The following TTC13 variants were observed in gnomAD, a reference collection of about 807,000 sequenced individuals.
The protein encoded by TTC13 is tetratricopeptide repeat protein 13.
In TTC13, 62 loss-of-function variants were observed where a neutral mutation model predicts 120.0. That is an observed-to-expected ratio of 0.52 (90% confidence interval 0.42 to 0.64). TTC13 has a LOEUF of 0.64. Ranked by LOEUF, TTC13 falls within the 30% of genes least tolerant of loss-of-function variation. The pLI, the probability that TTC13 is intolerant of heterozygous loss-of-function variation, is 0.00. For synonymous variants in TTC13, 384 were observed against 393.5 expected, an observed-to-expected ratio of 0.98 and a Z score of 0.28; for missense variants, 824 against 1,050.2, an observed-to-expected ratio of 0.78 and a Z score of 2.98.
At chr1:230,912,355 A>G (rs566926336) in intron 19 of TTC13, among the ~76,000 whole-genome samples, 3 of 152,318 alleles carry the variant, frequency 2.0e-5, no homozygotes, top group African/African-American at 7.2e-5. Flanking sequence ...GGTCATTTTC[A>G]TTATGGACCA....
rs969472229 is a variant in TTC13 at position 230,936,324 on chromosome 1, C to T, written c.901-2463G>A. On this transcript the variant is annotated intron_variant, in intron 8 of 22. Transcript: ENST00000366661. The stretch of plus-strand genomic sequence containing the variant: ...TAAGGCGTTGGGAACAAAGAAACTA[C>T]GTTTGAATGAATCAATCTCTAAGCA... 42 of 442,626 alleles carry T rather than the reference C, an allele frequency of 9.5e-5. 1 individual carries two copies. Among genetic ancestry groups the T allele is most frequent in the Admixed American group, 7.4e-4 (29 of 39,380 alleles). 27.4% of individuals were successfully genotyped at this position (442,626 alleles called of 1,614,324 possible).
chr1:230,925,502 T>C lies in TTC13; in HGVS notation c.1588+15A>G. On this transcript the variant is annotated intron_variant, in intron 13 of 22. Coordinates refer to ENST00000366661, the MANE Select transcript of TTC13 (RefSeq NM_024525.5). ...TGCCAGGAATATTTTCATTTTCAGG[T>C]AGTTTCCAGAATACCTCTGTGTATT... 1.2e-6 allele frequency: 2 copies of C among 1,613,410 alleles called. No individual in the cohort carries two copies. The highest frequency in any genetic ancestry group is 1.3e-5 in the African/African-American group (1 of 75,032).
chr1:230,936,160 C>T (rs1265907968), intron 8 of TTC13: 3 of 455,974 alleles, frequency 6.6e-6, no homozygotes, highest in Non-Finnish European at 1.3e-5. Flanking sequence ...CCACTTACAG[C>T]ATGCTTGGAC....
chr1:230,932,267 CTCAA>C (rs1293822152), intron 9 of TTC13, among the ~76,000 whole-genome samples: 2 of 151,226 alleles, frequency 1.3e-5, no homozygotes, highest in Non-Finnish European at 1.5e-5. Context: ...GTTCATCATT[CTCAA>C]TCAAATTCAT....
At position 230,912,778 on chromosome 1, in the gene TTC13, T is replaced by C. The variant is rs775263675; in HGVS notation, c.2094-20A>G. Reference sequence around the variant, plus strand: ...CCAACTCTGAAAATACAAAAATAAGTGTGAAAGGCATGTATTATAAGTTCA... The same window carrying C: ...CCAACTCTGAAAATACAAAAATAAGCGTGAAAGGCATGTATTATAAGTTCA... On this transcript the variant is annotated intron_variant, in intron 18 of 22. Coordinates refer to ENST00000366661, the MANE Select transcript of TTC13 (RefSeq NM_024525.5). The C allele has an allele frequency of 8.8e-6, 14 of 1,598,568 alleles. No homozygotes were observed. In the East Asian group the frequency reaches 2.7e-4, roughly 31 times the overall value.
chr1:230,968,606 A>G (rs1677401941), intron 1 of TTC13, among the ~76,000 whole-genome samples: 2 of 152,158 alleles, frequency 1.3e-5, no homozygotes, highest in Admixed American at 1.3e-4. Context: ...AGTTAAAATG[A>G]GCAAAGTCTG....
rs1674765155 is a variant in TTC13 at position 230,944,062 on chromosome 1, ATAT to A, written c.580-167_580-165del. ...GATGTGCCATGTCAAATCAGTCATG[ATAT>A]TATAATTATTTAACTCACTCAAGTC... is the stretch of plus-strand genomic sequence containing the variant. On this transcript the variant is annotated intron_variant, in intron 5 of 22. Coordinates refer to ENST00000366661, the MANE Select transcript of TTC13 (RefSeq NM_024525.5). This position sits in a 1 kb window ranked among gnomAD's most constrained non-coding sequence, Gnocchi z 4.0. 6.6e-6 allele frequency among the ~76,000 whole-genome samples: 1 copy of A among 152,240 alleles called. No individual in the cohort carries two copies. The highest frequency in any genetic ancestry group is 2.1e-4 in the South Asian group (1 of 4,832).
At position 230,920,505 on chromosome 1, in the gene TTC13, G is replaced by A. The variant is rs1427484414; in HGVS notation, c.1983+5C>T. On this transcript the variant is annotated splice_donor_5th_base_variant and intron_variant, in intron 17 of 22. Coordinates refer to ENST00000366661, the MANE Select transcript of TTC13 (RefSeq NM_024525.5). The stretch of plus-strand genomic sequence containing the variant: ...CATGGACTGCCATTCTGATGCTAAA[G>A]TTACCTTCATAATCGGAAGAAGGTC... 1 of 1,607,060 alleles carries A rather than the reference G, an allele frequency of 6.2e-7. No individual in the cohort carries two copies. Among genetic ancestry groups the A allele is most frequent in the Admixed American group, 1.7e-5 (1 of 59,696 alleles).
At chr1:230,929,794 A>G (rs1349116485) in intron 11 of TTC13, among the ~76,000 whole-genome samples, 1 of 152,204 alleles carries the variant, frequency 6.6e-6, no homozygotes, top group African/African-American at 2.4e-5. Context: ...GCTTATCTCT[A>G]TGAAAGCAGT....
In TTC13 at chr1:230,944,014, A is replaced by G; in HGVS notation, c.580-116T>C. 1.9e-6 allele frequency: 1 copy of G among 529,326 alleles called. No homozygotes were observed. The highest frequency in any genetic ancestry group is 3.4e-5 in the South Asian group (1 of 29,614). 32.8% of individuals were successfully genotyped at this position (529,326 alleles called of 1,614,324 possible). A position where few individuals can be genotyped will look rare whatever the true frequency, so the allele number is the denominator to read the frequency against. ...TGTAACCAATTGTTTAAAAATAAAT[A>G]TGAACTTCACTTCTATGTAAGAGAT... On this transcript the variant is annotated intron_variant, in intron 5 of 22. Transcript: ENST00000366661. This position sits in a 1 kb window ranked among gnomAD's most constrained non-coding sequence, Gnocchi z 4.0.
chr1:230,954,487 C>T, intron 3 of TTC13, 84 bp from the exon 4 acceptor site: 1 of 1,055,758 alleles, frequency 9.5e-7, no homozygotes, highest in Non-Finnish European at 1.4e-6. Flanking sequence ...TGGTAAATCT[C>T]CAAAGGCAGC....
At chr1:230,911,325 T>A in intron 20 of TTC13, 145 bp downstream of exon 20, 1 of 542,554 alleles carries the variant, frequency 1.8e-6, no homozygotes, top group Non-Finnish European at 3.2e-6. Flanking sequence ...TAAGGAAATA[T>A]TTTTTTGTGC....
At chr1:230,927,768 A>G (rs1216598815) in intron 12 of TTC13, among the ~76,000 whole-genome samples, 1 of 152,232 alleles carries the variant, frequency 6.6e-6, no homozygotes, top group East Asian at 1.9e-4. Context: ...TGTCTACCCC[A>G]AAGTCATAAA....
chr1:230,945,476 C>T (rs753369947), intron 4 of TTC13, 22 bp from the exon 5 acceptor site: 35 of 1,611,812 alleles, frequency 2.2e-5, no homozygotes, highest in Non-Finnish European at 2.7e-5. Flanking sequence ...AAAACAAAAA[C>T]ACGTCAAAAA....
At position 230,916,223 on chromosome 1, in the gene TTC13, T is replaced by C. The variant is rs745577746; in HGVS notation, c.2063A>G (p.Asp688Gly). 1.2e-6 allele frequency: 2 copies of C among 1,613,928 alleles called. No individual in the cohort carries two copies. Among genetic ancestry groups the C allele is most frequent in the African/African-American group, 2.7e-5 (2 of 74,920 alleles). ...PSLKDQGKEY[D>G]GFTITITGDK... The stretch of plus-strand genomic sequence containing the variant: ...TCCTGTAATCGTGATTGTGAATCCA[T>C]CATATTCCTTCCCTTGGTCTTTAAG... The change falls in exon 18 of 23, where the codon GAT (aspartate) becomes GGT (glycine). Residue 688 changes from aspartate to glycine, a missense_variant. Asp to Gly is a moderately conservative substitution (Grantham distance 94). Coordinates refer to ENST00000366661, the MANE Select transcript of TTC13 (RefSeq NM_024525.5).
intron 9 of TTC13, 53 bp downstream of exon 9, chr1:230,933,726 G>T: frequency 2.1e-6 from 2 of 932,920 alleles, no homozygotes; most frequent in Non-Finnish European, 3.3e-6. Flanking sequence ...AAGCTATCTT[G>T]TCTCCCCACT....
At chr1:230,937,819 G>T (rs1394784802) in intron 8 of TTC13, among the ~76,000 whole-genome samples, 2 of 152,080 alleles carry the variant, frequency 1.3e-5, no homozygotes, top group Non-Finnish European at 2.9e-5. Flanking sequence ...GAATCCTCAC[G>T]ATCACTCCAA....
At chr1:230,974,380 T>G (rs1304401769) in intron 1 of TTC13, among the ~76,000 whole-genome samples, 1 of 152,228 alleles carries the variant, frequency 6.6e-6, no homozygotes, top group African/African-American at 2.4e-5. Flanking sequence ...ATTCGGCCAA[T>G]GATGGACCAC....
chr1:230,917,830 C>A (rs1672184256), intron 17 of TTC13, among the ~76,000 whole-genome samples: 1 of 152,208 alleles, frequency 6.6e-6, no homozygotes, highest in African/African-American at 2.4e-5. Flanking sequence ...CTGCCTAATA[C>A]CACAGGACAT....
Sources: gnomAD v4.1 joint callset for allele counts (sites outside exome capture counted in the v4.1 genomes callset) on GRCh38, gnomAD v4.1.1 for gene constraint, Gnocchi (gnomAD v3.1) non-coding constraint, MANE v1.5 for transcripts, NCBI Gene and HGNC (gene_info 2026-07-23, HGNC 2026-07-21) for gene names.